MLLT10: variants seen among roughly 807,000 people sequenced by gnomAD.
MLLT10 encodes MLLT10 histone lysine methyltransferase DOT1L cofactor.
MLLT10 carries 30 observed loss-of-function variants against 129.1 expected under a neutral mutation model. The ratio of observed to expected loss-of-function variants is 0.23; its 90% confidence interval spans 0.17 to 0.32. MLLT10 has a LOEUF of 0.32. MLLT10 is among the 10% of genes least tolerant of loss of function. The pLI, the probability that MLLT10 is intolerant of heterozygous loss-of-function variation, is 1.00. For synonymous variants in MLLT10, 490 were observed against 446.4 expected (o/e 1.10, Z -1.23); for missense variants, 1,119 against 1,268.3 (o/e 0.88, Z 1.79).
chr10:21,573,376 T>C (rs2040406521), intron 3 of MLLT10, among the ~76,000 whole-genome samples: 1 of 152,196 alleles, frequency 6.6e-6, no homozygotes, highest in Admixed American at 6.5e-5. Context: ...TAGTTTGTTA[T>C]AGTCACAGAC....
intron 6 of MLLT10, among the ~76,000 whole-genome samples, chr10:21,613,162 C>G (rs2044829778): frequency 1.4e-5 from 2 of 143,960 alleles, no homozygotes; most frequent in South Asian, 4.5e-4. Flanking sequence ...CCATTGAACT[C>G]CAGCCTGGCG....
At chr10:21,688,479 T>A in intron 13 of MLLT10, 1 of 1,608,442 alleles carries the variant, frequency 6.2e-7, no homozygotes, top group Non-Finnish European at 8.5e-7. Flanking sequence ...TTAAAGTGTG[T>A]CTTTTCTTTA....
chr10:21,611,782 T>A (rs2044680872), intron 5 of MLLT10, among the ~76,000 whole-genome samples: 1 of 152,180 alleles, frequency 6.6e-6, no homozygotes, highest in Non-Finnish European at 1.5e-5. Context: ...CTAAAGTATC[T>A]TCTTCTGTAG....
At chr10:21,706,858 A>AGCC (rs1484354712) in intron 13 of MLLT10, among the ~76,000 whole-genome samples, 1 of 151,542 alleles carries the variant, frequency 6.6e-6, no homozygotes, top group East Asian at 1.9e-4. Context: ...CCATCTTTTC[A>AGCC]CATCTAGTGG....
chr10:21,544,334 A>G (rs1204165337), intron 3 of MLLT10, among the ~76,000 whole-genome samples: 1 of 152,160 alleles, frequency 6.6e-6, no homozygotes, highest in Non-Finnish European at 1.5e-5. Flanking sequence ...CAATAAAACA[A>G]AAGCCCAACT....
chr10:21,712,946 G>C (rs1350140005), intron 13 of MLLT10, among the ~76,000 whole-genome samples: 1 of 152,092 alleles, frequency 6.6e-6, no homozygotes, highest in Admixed American at 6.5e-5. Flanking sequence ...CTTGTTTCCT[G>C]TTAACTTATG....
At chr10:21,669,214 G>A (rs904197911) in intron 9 of MLLT10, among the ~76,000 whole-genome samples, 3 of 151,944 alleles carry the variant, frequency 2.0e-5, no homozygotes, top group African/African-American at 7.3e-5. Context: ...TCTATTTAAT[G>A]ATGAATATCT....
At chr10:21,722,641 T>C (rs1222477881) in intron 14 of MLLT10, among the ~76,000 whole-genome samples, 2 of 152,194 alleles carry the variant, frequency 1.3e-5, no homozygotes, top group Non-Finnish European at 2.9e-5. Context: ...AGACACTGTG[T>C]GTGCTCTCTT....
At chr10:21,653,158 C>A (rs1166259707) in intron 9 of MLLT10, among the ~76,000 whole-genome samples, 1 of 152,206 alleles carries the variant, frequency 6.6e-6, no homozygotes, top group Non-Finnish European at 1.5e-5. Context: ...GGCCAGAAGT[C>A]TGGGTGGACT....
chr10:21,738,093 C>A (rs1181878958), intron 21 of MLLT10, among the ~76,000 whole-genome samples: 3 of 151,882 alleles, frequency 2.0e-5, no homozygotes, highest in African/African-American at 7.3e-5. Flanking sequence ...CGTGGTGAAA[C>A]CCCGTCTCTA....
chr10:21,714,051 GA>G, intron 14 of MLLT10, 101 bp downstream of exon 14: 1 of 937,482 alleles, frequency 1.1e-6, no homozygotes, highest in Non-Finnish European at 1.5e-6. Context: ...CCTTCTATAG[GA>G]ATTTATGAAA....
At chr10:21,651,907 T>TC in intron 9 of MLLT10, 139 bp downstream of exon 9, 1 of 385,640 alleles carries the variant, frequency 2.6e-6, no homozygotes, top group Admixed American at 4.5e-5. Context: ...TCATTTCTTT[T>TC]TTTTTTTTTT....
At chr10:21,625,480 G>T in intron 8 of MLLT10, 5 of 1,015,342 alleles carry the variant, frequency 4.9e-6, no homozygotes, top group Non-Finnish European at 7.9e-6. Context: ...CACAGGGTCA[G>T]CCCATTCAAC....
chr10:21,741,459 G>A (rs1833610769), intron 22 of MLLT10, among the ~76,000 whole-genome samples: 1 of 152,176 alleles, frequency 6.6e-6, no homozygotes, highest in African/African-American at 2.4e-5. Flanking sequence ...CCTGCTATGT[G>A]CCAGGTGTCC....
In MLLT10 at chr10:21,733,845, T is replaced by A; in HGVS notation, c.2574T>A (p.Ala858=). Residue 858 remains alanine (A), a synonymous_variant, in exon 20 of 23, where the codon GCT becomes GCA. Transcript: ENST00000307729. Reference sequence around the variant, plus strand: ...CACCTCCTGCTGGGCAGAGTCCGGCTCAACAAGGCTCAGGAGTGAGTGGAG... The same window carrying A: ...CACCTCCTGCTGGGCAGAGTCCGGCACAACAAGGCTCAGGAGTGAGTGGAG... The part of the protein sequence containing the change: ...STPPPAGQSP[A]QQGSGVSGVQ... 6.2e-7 allele frequency: 1 copy of A among 1,614,116 alleles called. No individual in the cohort carries two copies. Among genetic ancestry groups the A allele is most frequent in the Non-Finnish European group, 8.5e-7 (1 of 1,180,022 alleles).
At chr10:21,534,100 C>T (rs2033305609), upstream of MLLT10, 1 of 258,174 alleles carries the variant, frequency 3.9e-6, no homozygotes, top group Non-Finnish European at 7.3e-6. Context: ...CACACCTCGG[C>T]GGCGGCGAGC....
At chr10:21,598,782 A>G (rs368858786) in intron 5 of MLLT10, among the ~76,000 whole-genome samples, 21 of 151,826 alleles carry the variant, frequency 1.4e-4, no homozygotes, top group African/African-American at 4.1e-4. Context: ...TGGGAGGCTG[A>G]GGCATGACGA....
intron 9 of MLLT10, among the ~76,000 whole-genome samples, chr10:21,667,906 C>T (rs940264438): frequency 6.6e-6 from 1 of 152,044 alleles, no homozygotes. Context: ...TGCAGCTTAT[C>T]TTAGGACTAA....
At chr10:21,729,992 G>A (rs566730901) in intron 16 of MLLT10, among the ~76,000 whole-genome samples, 96 of 152,166 alleles carry the variant, frequency 6.3e-4, no homozygotes, top group African/African-American at 2.2e-3. Flanking sequence ...GGCTGGGCAC[G>A]GTGGCTCATG....
Sources: allele counts gnomAD v4.1 joint callset (sites outside exome capture counted in the v4.1 genomes callset), GRCh38; gene constraint gnomAD v4.1.1; transcripts MANE v1.5; gene names NCBI Gene and HGNC (gene_info 2026-07-23, HGNC 2026-07-21).